VNN1: variants seen among roughly 807,000 people sequenced by gnomAD.
The protein encoded by VNN1 is vanin 1, also known as pantetheinase.
A neutral mutation model predicts 41.9 loss-of-function variants in VNN1; 29 were observed. The ratio of observed to expected loss-of-function variants is 0.69; its 90% CI spans 0.52 to 0.94. The LOEUF is 0.94. Among genes scored for constraint, VNN1 ranks in the 40% least tolerant of loss-of-function variants. The probability of loss-of-function intolerance (pLI) is 0.00; values close to 1 mark genes in which losing one functional copy is unlikely to be tolerated. For synonymous variants in VNN1, 233 were observed against 224.4 expected (o/e 1.04, Z -0.34); for missense variants, 637 against 621.1 (o/e 1.03, Z -0.27).
chr6:132,710,583 T>C (rs1778585260), intron 2 of VNN1, among the ~76,000 whole-genome samples: 1 of 152,176 alleles, frequency 6.6e-6, no homozygotes, highest in African/African-American at 2.4e-5. Context: ...CCATGTATTC[T>C]CGTTGTTCAA....
intron 2 of VNN1, among the ~76,000 whole-genome samples, chr6:132,703,723 A>C (rs1401633088): frequency 6.6e-6 from 1 of 152,188 alleles, no homozygotes; most frequent in Non-Finnish European, 1.5e-5. Flanking sequence ...ATTGAATGTA[A>C]ATGGTCTAAA....
intron 2 of VNN1, among the ~76,000 whole-genome samples, chr6:132,696,855 G>A (rs1343741808): frequency 6.6e-6 from 1 of 152,022 alleles, no homozygotes; most frequent in African/African-American, 2.4e-5. Context: ...TGTAATCCTA[G>A]CACTTTGCAA....
At chr6:132,710,261 G>A (rs993047231) in intron 2 of VNN1, among the ~76,000 whole-genome samples, 2 of 152,106 alleles carry the variant, frequency 1.3e-5, no homozygotes, top group Non-Finnish European at 2.9e-5. Context: ...AATTGGCCAG[G>A]CTGGTCTCAA....
chr6:132,683,356 T>C (rs1778156571), intron 6 of VNN1, 34 bp from the exon 7 acceptor site: 11 of 1,585,926 alleles, frequency 6.9e-6, no homozygotes, highest in Non-Finnish European at 9.4e-6. Context: ...AAAGGCTACC[T>C]TCAAGTTTTA....
chr6:132,687,538 A>G (rs1013660382), intron 5 of VNN1, among the ~76,000 whole-genome samples: 8 of 152,234 alleles, frequency 5.3e-5, no homozygotes, highest in Non-Finnish European at 8.8e-5. Flanking sequence ...GCCAGTTCAG[A>G]TTAGAGCAAT....
At chr6:132,706,128 C>G (rs991457392) in intron 2 of VNN1, among the ~76,000 whole-genome samples, 1 of 152,016 alleles carries the variant, frequency 6.6e-6, no homozygotes, top group Non-Finnish European at 1.5e-5. Context: ...CATCAAAATA[C>G]CAATGTCATT....
chr6:132,693,936 C>A, intron 3 of VNN1, 54 bp downstream of exon 3: 1 of 1,592,546 alleles, frequency 6.3e-7, no homozygotes, highest in South Asian at 1.1e-5. Context: ...TTCTCCTTGC[C>A]CACTTTATTT....
At chr6:132,690,293 AG>A in intron 5 of VNN1, among the ~76,000 whole-genome samples, 2 of 152,328 alleles carry the variant, frequency 1.3e-5, no homozygotes, top group East Asian at 3.9e-4. Context: ...CCTGCAGGAC[AG>A]GATGTTGCTT....
At position 132,692,373 on chromosome 6, in the gene VNN1, C is replaced by T. The variant is rs1458761141; in HGVS notation, c.1038G>A (p.Lys346=). The change falls in exon 5 of 7, where the codon AAG becomes AAA. Residue 346 remains lysine, a synonymous_variant. Coordinates refer to ENST00000367928, the MANE Select transcript of VNN1 (RefSeq NM_004666.3). ...TVFFDEFTFV[K]LTGVAGNYTV... is the part of the protein sequence containing the mutation. ...TATAATTTCCTGCAACTCCTGTGAG[C>T]TTCACAAAAGTGAATTCATCGAAAA... 1.2e-6 allele frequency: 2 copies of T among 1,614,180 alleles called. No individual in the cohort carries two copies. Among genetic ancestry groups the T allele is most frequent in the Non-Finnish European group, 1.7e-6 (2 of 1,180,030 alleles).
chr6:132,712,895 G>C (rs1778624848), intron 1 of VNN1, among the ~76,000 whole-genome samples: 1 of 152,150 alleles, frequency 6.6e-6, no homozygotes, highest in Non-Finnish European at 1.5e-5. Flanking sequence ...AGCACTTTGG[G>C]AGCCCAAGGC....
intron 5 of VNN1, among the ~76,000 whole-genome samples, chr6:132,689,517 C>T (rs1027492080): frequency 6.6e-6 from 1 of 152,158 alleles, no homozygotes; most frequent in African/African-American, 2.4e-5. Flanking sequence ...GTTAATACAC[C>T]TCATGATTTC....
intron 5 of VNN1, among the ~76,000 whole-genome samples, chr6:132,686,690 A>G (rs1237416996): frequency 6.6e-6 from 1 of 152,226 alleles, no homozygotes; most frequent in African/African-American, 2.4e-5. Flanking sequence ...AGAATTTTCT[A>G]TGAGTTTTTG....
rs760779434 is a variant in VNN1 at position 132,683,302 on chromosome 6, C to T, written c.1380G>A (p.Leu460=). ...GTCCGGATGTTGGCTTCAGACTAAA[C>T]AAGCGTCCGTCAGTTGACACCTGAT... The part of the protein sequence containing the change: ...GEFQVSTDGR[L]FSLKPTSGPV... The change falls in exon 7 of 7, where the codon TTG becomes TTA. Residue 460 remains leucine, a synonymous_variant. Coordinates refer to ENST00000367928, the MANE Select transcript of VNN1 (RefSeq NM_004666.3). 2.5e-6 allele frequency: 4 copies of T among 1,613,682 alleles called. No homozygotes were observed. The highest frequency in any genetic ancestry group is 3.4e-6 in the Non-Finnish European group (4 of 1,179,896).
At chr6:132,706,319 T>C (rs950613219) in intron 2 of VNN1, among the ~76,000 whole-genome samples, 2 of 151,986 alleles carry the variant, frequency 1.3e-5, no homozygotes, top group African/African-American at 4.8e-5. Context: ...CATAGACCAA[T>C]GAAACAGAAG....
intron 1 of VNN1, among the ~76,000 whole-genome samples, chr6:132,712,602 G>C (rs1778619840): frequency 6.6e-6 from 1 of 152,066 alleles, no homozygotes; most frequent in African/African-American, 2.4e-5. Flanking sequence ...TAAATATTCT[G>C]TTTATTTCCT....
At position 132,713,830 on chromosome 6, in the gene VNN1, T is replaced by C. The variant is rs756803418; in HGVS notation, c.206A>G (p.Asp69Gly). Residue 69 changes from aspartate to glycine, a missense_variant, in exon 1 of 7, where the codon GAT becomes GGT. Coordinates refer to ENST00000367928, the MANE Select transcript of VNN1 (RefSeq NM_004666.3). ...GAGAGATGGTAGAGATGGTACCTGA[T>C]CTGCTGCTGATGTGATCGCTCCTTC... is the stretch of plus-strand genomic sequence containing the variant. ...ILEGAITSAADQGAHIIVTPE... is the reference protein window; with the variant it reads ...ILEGAITSAAGQGAHIIVTPE... The C allele has an allele frequency of 4.3e-6, 7 of 1,612,546 alleles. No individual in the cohort carries two copies. Among genetic ancestry groups the C allele is most frequent in the Non-Finnish European group, 5.9e-6 (7 of 1,179,996 alleles).
rs1168118894 is a variant in VNN1, at chr6:132,684,334, C to T, written c.1359+1G>A. On this transcript the variant is annotated splice_donor_variant, in intron 6 of 6. Coordinates refer to ENST00000367928, the MANE Select transcript of VNN1 (RefSeq NM_004666.3). LOFTEE classifies it high-confidence loss of function. ...AATTGGCAATATTCGAAGATTCTTA[C>T]CTGAAATTCTCCAGGTGCAAGCTGA... 2 of 1,607,948 alleles carry T rather than the reference C, an allele frequency of 1.2e-6. No homozygotes were observed. Among genetic ancestry groups the T allele is most frequent in the Non-Finnish European group, 1.7e-6 (2 of 1,176,592 alleles).
chr6:132,690,334 C>G (rs959781633), intron 5 of VNN1, among the ~76,000 whole-genome samples: 1 of 152,148 alleles, frequency 6.6e-6, no homozygotes, highest in East Asian at 1.9e-4. Context: ...AACCCAGCTT[C>G]GCAAGCCATG....
intron 2 of VNN1, among the ~76,000 whole-genome samples, chr6:132,706,108 A>G (rs919167164): frequency 6.6e-6 from 1 of 152,198 alleles, no homozygotes; most frequent in Admixed American, 6.5e-5. Flanking sequence ...TACAGATTCA[A>G]TGCAATCTCC....
Sources: allele counts gnomAD v4.1 joint callset (sites outside exome capture counted in the v4.1 genomes callset), GRCh38; gene constraint gnomAD v4.1.1; transcripts MANE v1.5; gene names NCBI Gene and HGNC (gene_info 2026-07-23, HGNC 2026-07-21).